The following AUP1 variants were observed in gnomAD, a reference collection of about 807,000 sequenced individuals.
The protein encoded by AUP1 is AUP1 lipid droplet regulating VLDL assembly factor.
In AUP1, 30 loss-of-function variants were observed where a neutral mutation model predicts 51.8. The observed-to-expected ratio is 0.58, with a 90% CI of 0.43 to 0.79. The LOEUF (loss-of-function observed/expected upper bound fraction) is 0.79. AUP1 is among the 30% of genes least tolerant of loss of function. The probability of loss-of-function intolerance (pLI) is 0.00; values close to 1 mark genes in which losing one functional copy is unlikely to be tolerated. For synonymous variants in AUP1, 227 were observed against 209.0 expected (o/e 1.09, Z -0.74); for missense variants, 492 against 517.1 (o/e 0.95, Z 0.47).
Position 74,528,876 on chromosome 2 carries a change from A to G in AUP1, c.399T>C (p.Asn133=), listed in dbSNP as rs1675343615. ...VCWSRGFMEM[N]GRGELVESLK... is the part of the protein sequence containing the mutation. ...GTGACTCCACCAACTCCCCCCGCCC[A>G]TTCATCTCCATGAAGCCCCGAGACC... Residue 133 remains asparagine, a synonymous_variant, in exon 4 of 12, where the codon AAT becomes AAC. Coordinates refer to ENST00000377526, the MANE Select transcript of AUP1 (RefSeq NM_181575.5). 1.9e-6 allele frequency: 3 copies of G among 1,614,032 alleles called. No individual in the cohort carries two copies. The highest frequency in any genetic ancestry group is 1.7e-5 in the Admixed American group (1 of 60,002).
Position 74,529,500 on chromosome 2 carries a change from C to A in AUP1, c.51-1G>T. 1.3e-6 allele frequency: 2 copies of A among 1,550,990 alleles called. No homozygotes were observed. ...CAGTAGGAAGCAGTCACCCGGAAGC[C>A]TGGGGGCGAGAGGCGAAGTGGTCAG... On this transcript the variant is annotated splice_acceptor_variant, in intron 1 of 11. Coordinates refer to ENST00000377526, the MANE Select transcript of AUP1 (RefSeq NM_181575.5). LOFTEE classifies it high-confidence loss of function.
At position 74,527,032 on chromosome 2, in the gene AUP1, G is replaced by A. The variant is rs1265797521; in HGVS notation, c.1105C>T (p.Gln369Ter). ...TTGGCAAATGTTAGGGCTGTTGGCT[G>A]AGGGGTCACCGGGCCAGAGCTGGGA... is the stretch of plus-strand genomic sequence containing the variant. Reference protein sequence around the residue: ...KFPSSGPVTPQPTALTFAKSS... With the variant: ...KFPSSGPVTP Residue 369 changes from glutamine to a stop codon, truncating the protein, a stop_gained, in exon 11 of 12, where the codon CAG becomes TAG. Coordinates refer to ENST00000377526, the MANE Select transcript of AUP1 (RefSeq NM_181575.5). LOFTEE classifies it high-confidence loss of function. The A allele has an allele frequency of 3.1e-6, 5 of 1,614,100 alleles. No individual in the cohort carries two copies. Among genetic ancestry groups the A allele is most frequent in the Non-Finnish European group, 4.2e-6 (5 of 1,180,056 alleles).
In AUP1 at chr2:74,527,371, G is replaced by A. The variant is rs1675236405; in HGVS notation, c.962-8C>T. On this transcript the variant is annotated splice_region_variant and splice_polypyrimidine_tract_variant and intron_variant, in intron 9 of 11. Coordinates refer to ENST00000377526, the MANE Select transcript of AUP1 (RefSeq NM_181575.5). ...CTACACAGCCAGTCTTGGCTGGGGAGAAAAGAGAAGGGAGTCCACTCCCTA... is the reference window on the plus strand; with the variant it reads ...CTACACAGCCAGTCTTGGCTGGGGAAAAAAGAGAAGGGAGTCCACTCCCTA... 2 of 1,613,844 alleles carry A rather than the reference G, an allele frequency of 1.2e-6. No homozygotes were observed. Among genetic ancestry groups the A allele is most frequent in the Non-Finnish European group, 1.7e-6 (2 of 1,179,874 alleles).
chr2:74,527,109 AC>A (rs1675222467), intron 10 of AUP1, 50 bp from the exon 11 acceptor site: 3 of 1,613,778 alleles, frequency 1.9e-6, no homozygotes, highest in Non-Finnish European at 2.5e-6. Context: ...ATCATTAAAC[AC>A]GCATCGAATG....
chr2:74,526,911 A>G, intron 11 of AUP1, 30 bp downstream of exon 11: 2 of 1,609,726 alleles, frequency 1.2e-6, no homozygotes, highest in Non-Finnish European at 1.7e-6. Context: ...AATTTGCCAC[A>G]TCCTATTAAT....
chr2:74,528,239 A>G lies in AUP1; in HGVS notation c.671+9T>C, dbSNP rs750631652. 18 of 1,612,660 alleles carry G rather than the reference A, an allele frequency of 1.1e-5. No individual in the cohort carries two copies. Among genetic ancestry groups the G allele is most frequent in the Non-Finnish European group, 1.2e-5 (14 of 1,178,832 alleles). ...TCCCCAGCGACCAAAATGTGAGGAC[A>G]GTTAATACCTTACTTGATACACCGT... On this transcript the variant is annotated intron_variant, in intron 6 of 11. Coordinates refer to ENST00000377526, the MANE Select transcript of AUP1 (RefSeq NM_181575.5).
Position 74,528,010 on chromosome 2 carries a change from C to G in AUP1, c.672-4G>C, listed in dbSNP as rs753810383. The G allele has an allele frequency of 4.3e-6, 7 of 1,614,210 alleles. No homozygotes were observed. The South Asian group carries it at 7.7e-5, about 18-fold the overall frequency. On this transcript the variant is annotated splice_region_variant and splice_polypyrimidine_tract_variant and intron_variant, in intron 6 of 11. Transcript: ENST00000377526. The stretch of plus-strand genomic sequence containing the variant: ...GCGATGAACAGGACGAAGCCACCTG[C>G]AAAGAAACAATCCAGGGCTATGTTG...
Position 74,527,719 on chromosome 2 carries a change from G to T in AUP1, c.841+17C>A, listed in dbSNP as rs766839490. On this transcript the variant is annotated intron_variant, in intron 8 of 11. Coordinates refer to ENST00000377526, the MANE Select transcript of AUP1 (RefSeq NM_181575.5). Reference sequence around the variant, plus strand: ...AAAAAAAAACCCCAAAAGCTGTAATGTATAGAGACCACATACCTGACTGGG... The same window carrying T: ...AAAAAAAAACCCCAAAAGCTGTAATTTATAGAGACCACATACCTGACTGGG... The T allele has an allele frequency of 2.6e-5, 42 of 1,612,148 alleles. 1 individual carries two copies. In the East Asian group the frequency reaches 8.7e-4, roughly 33 times the overall value.
rs1419327609 is a variant in AUP1 at position 74,526,742 on chromosome 2, T to C, written c.*58A>G. Reference sequence around the variant, plus strand: ...CCCATCCAGCCTGTTGTGAGTTGGGTGAGGGCTGCCCCCAGTCTCCGTCCT... The same window carrying C: ...CCCATCCAGCCTGTTGTGAGTTGGGCGAGGGCTGCCCCCAGTCTCCGTCCT... On this transcript the variant is annotated 3_prime_UTR_variant, in exon 12 of 12. Transcript: ENST00000377526. The C allele has an allele frequency of 8.0e-6, 12 of 1,507,346 alleles. No individual in the cohort carries two copies. The highest frequency in any genetic ancestry group is 2.8e-5 in the African/African-American group (2 of 71,478). The allele number at this position is 1,507,346 out of a possible 1,614,324, so 93.4% of individuals were successfully genotyped here. A position where few individuals can be genotyped will look rare whatever the true frequency, so the allele number is the denominator to read the frequency against.
chr2:74,529,120 G>A lies in AUP1; in HGVS notation c.339+12C>T, dbSNP rs781277292. 1 of 1,614,046 alleles carries A rather than the reference G, an allele frequency of 6.2e-7. No individual in the cohort carries two copies. The highest frequency in any genetic ancestry group is 8.5e-7 in the Non-Finnish European group (1 of 1,180,020). Reference sequence around the variant, plus strand: ...ACCGCCCCGTGGCGCTCTCGGCCTCGCTCTCACTCACGGTGCTACAGGTGG... The same window carrying A: ...ACCGCCCCGTGGCGCTCTCGGCCTCACTCTCACTCACGGTGCTACAGGTGG... On this transcript the variant is annotated intron_variant, in intron 3 of 11. Coordinates refer to ENST00000377526, the MANE Select transcript of AUP1 (RefSeq NM_181575.5).
chr2:74,527,627 G>C, intron 8 of AUP1, 37 bp from the exon 9 acceptor site: 3 of 1,590,382 alleles, frequency 1.9e-6, no homozygotes, highest in Non-Finnish European at 2.6e-6. Flanking sequence ...AGAAATTCTG[G>C]TAAGTAGAGA....
In AUP1 at chr2:74,527,101, C is replaced by T. The variant is rs755238357; in HGVS notation, c.1078-42G>A. ...GTCAGAGGGCTTGCGGAGTCATCAT[C>T]ATTAAACACGCATCGAATGCCTACT... is the stretch of plus-strand genomic sequence containing the variant. On this transcript the variant is annotated intron_variant, in intron 10 of 11. Transcript: ENST00000377526. 2.5e-6 allele frequency: 4 copies of T among 1,613,790 alleles called. No individual in the cohort carries two copies. In the East Asian group the frequency reaches 6.7e-5, roughly 27 times the overall value.
In AUP1 at chr2:74,528,018, C is replaced by A; in HGVS notation, c.672-12G>T. ...CAGGACGAAGCCACCTGCAAAGAAACAATCCAGGGCTATGTTGTGGGCACC... is the reference window on the plus strand; with the variant it reads ...CAGGACGAAGCCACCTGCAAAGAAAAAATCCAGGGCTATGTTGTGGGCACC... On this transcript the variant is annotated splice_polypyrimidine_tract_variant and intron_variant, in intron 6 of 11. Transcript: ENST00000377526. 6.2e-7 allele frequency: 1 copy of A among 1,614,210 alleles called. No individual in the cohort carries two copies. The highest frequency in any genetic ancestry group is 8.5e-7 in the Non-Finnish European group (1 of 1,180,012).
chr2:74,527,090 G>A (rs754057417), intron 10 of AUP1, 31 bp from the exon 11 acceptor site: 12 of 1,613,946 alleles, frequency 7.4e-6, no homozygotes, highest in East Asian at 4.5e-5. Context: ...GAGGGCTTGC[G>A]GAGTCATCAT....
chr2:74,527,022 G>C lies in AUP1; in HGVS notation c.1115C>G (p.Ala372Gly). The change falls in exon 11 of 12, where the codon GCC becomes GGC. Residue 372 changes from alanine to glycine, a missense_variant. Transcript: ENST00000377526. Reference protein sequence around the residue: ...SSGPVTPQPTALTFAKSSWAR... With the variant: ...SSGPVTPQPTGLTFAKSSWAR... Reference sequence around the variant, plus strand: ...CCAGGAAGACTTGGCAAATGTTAGGGCTGTTGGCTGAGGGGTCACCGGGCC... The same window carrying C: ...CCAGGAAGACTTGGCAAATGTTAGGCCTGTTGGCTGAGGGGTCACCGGGCC... The C allele has an allele frequency of 6.2e-7, 1 of 1,614,166 alleles. No individual in the cohort carries two copies. The highest frequency in any genetic ancestry group is 8.5e-7 in the Non-Finnish European group (1 of 1,180,038).
Position 74,527,957 on chromosome 2 carries a change from CA to C in AUP1, c.720del (p.Phe240LeufsTer29). 1 of 1,614,230 alleles carries C rather than the reference CA, an allele frequency of 6.2e-7. No individual in the cohort carries two copies. The highest frequency in any genetic ancestry group is 8.5e-7 in the Non-Finnish European group (1 of 1,180,040). The stretch of plus-strand genomic sequence containing the variant: ...CCGACCACCTGTTGTACACGGAGTG[CA>C]AACTCCTCATTCGCTTCCCCTAGTT... The part of the protein sequence containing the change: ...HRQLGEANEE[F>X]ALRVQQLVAK... On this transcript the variant is annotated frameshift_variant, in exon 7 of 12. Transcript: ENST00000377526. LOFTEE classifies it high-confidence loss of function.
chr2:74,529,667 C>T lies in AUP1; in HGVS notation c.-38G>A, dbSNP rs1343787241. ...AGGAGCGCCCGGCCGTCGCCGCCGCCGCCATTTTCGCGCCCGGCCGCAGGG... is the reference window on the plus strand; with the variant it reads ...AGGAGCGCCCGGCCGTCGCCGCCGCTGCCATTTTCGCGCCCGGCCGCAGGG... On this transcript the variant is annotated 5_prime_UTR_variant, in exon 1 of 12. Coordinates refer to ENST00000377526, the MANE Select transcript of AUP1 (RefSeq NM_181575.5). 1.3e-6 allele frequency: 2 copies of T among 1,543,856 alleles called. No homozygotes were observed. The highest frequency in any genetic ancestry group is 1.7e-6 in the Non-Finnish European group (2 of 1,147,318).
In AUP1 at chr2:74,529,542, G is replaced by A. The variant is rs754176409; in HGVS notation, c.50+38C>T. ...AGTGGTCAGGCGCCGAAGGCCGAGA[G>A]CACGCGGGGATCGGTCTCTTCCCGC... is the stretch of plus-strand genomic sequence containing the variant. On this transcript the variant is annotated intron_variant, in intron 1 of 11. Transcript: ENST00000377526. The A allele has an allele frequency of 4.5e-6, 7 of 1,550,272 alleles. No individual in the cohort carries two copies. The Admixed American group carries it at 1.4e-4, about 30-fold the overall frequency.
intron 11 of AUP1, 48 bp from the exon 12 acceptor site, chr2:74,526,884 C>A (rs770103341): frequency 4.4e-6 from 7 of 1,606,458 alleles, no homozygotes; most frequent in Middle Eastern, 1.6e-4. Flanking sequence ...CGTAGTAGCT[C>A]CATAATTCCA....
Sources: allele counts gnomAD v4.1 joint callset, GRCh38; gene constraint gnomAD v4.1.1; transcripts MANE v1.5; gene names NCBI Gene and HGNC (gene_info 2026-07-23, HGNC 2026-07-21).